The following COL8A1 variants were observed in gnomAD, a reference collection of about 807,000 sequenced individuals.
The protein encoded by COL8A1 is collagen alpha-1(VIII) chain.
Under a neutral mutation model 42.7 loss-of-function variants are expected in COL8A1, and 21 were observed. That is an observed-to-expected ratio of 0.49 (90% CI 0.35 to 0.71). The LOEUF is 0.71. Ranked by LOEUF, COL8A1 falls within the 30% of genes least tolerant of loss-of-function variation. The pLI is 0.01. For synonymous variants in COL8A1, 367 were observed against 369.1 expected (o/e 0.99, Z 0.06); for missense variants, 788 against 962.4 (o/e 0.82, Z 2.40).
intron 1 of COL8A1, among the ~76,000 whole-genome samples, chr3:99,722,790 G>A (rs1157218178): frequency 2.0e-5 from 3 of 151,990 alleles, no homozygotes; most frequent in Non-Finnish European, 4.4e-5. Flanking sequence ...TGAGACTATC[G>A]TCCACCCATT....
chr3:99,676,458 T>C (rs1347991343), intron 1 of COL8A1, among the ~76,000 whole-genome samples: 1 of 152,094 alleles, frequency 6.6e-6, no homozygotes, highest in Non-Finnish European at 1.5e-5. Flanking sequence ...AATCAATCAA[T>C]GTAATTTACC....
intron 2 of COL8A1, among the ~76,000 whole-genome samples, chr3:99,755,193 C>T (rs1941230681): frequency 6.6e-6 from 1 of 152,116 alleles, no homozygotes; most frequent in South Asian, 2.1e-4. Flanking sequence ...CTTTAAACAA[C>T]TTGAAAAAAT....
chr3:99,695,276 A>G (rs1305767877), intron 1 of COL8A1, among the ~76,000 whole-genome samples: 1 of 152,206 alleles, frequency 6.6e-6, no homozygotes, highest in Non-Finnish European at 1.5e-5. Flanking sequence ...GTCCCCACAA[A>G]ACATGTTAAT....
intron 1 of COL8A1, among the ~76,000 whole-genome samples, chr3:99,681,693 G>A (rs975404574): frequency 6.6e-6 from 1 of 152,118 alleles, no homozygotes; most frequent in Non-Finnish European, 1.5e-5. Context: ...TTATTTTCTG[G>A]TTGGGTACCC....
intron 1 of COL8A1, among the ~76,000 whole-genome samples, chr3:99,735,867 G>T (rs1271313244): frequency 6.6e-6 from 1 of 151,938 alleles, no homozygotes; most frequent in Non-Finnish European, 1.5e-5. Flanking sequence ...ACTTCTTCCT[G>T]GTTTAGTCTT....
At chr3:99,742,076 C>G (rs1025695054) in intron 1 of COL8A1, among the ~76,000 whole-genome samples, 1 of 152,128 alleles carries the variant, frequency 6.6e-6, no homozygotes, top group Admixed American at 6.6e-5. Flanking sequence ...TATTTTTAAG[C>G]ATCTGTCTAC....
intron 1 of COL8A1, among the ~76,000 whole-genome samples, chr3:99,730,572 G>GTAT (rs1246787939): frequency 6.6e-6 from 1 of 152,046 alleles, no homozygotes; most frequent in Non-Finnish European, 1.5e-5. Flanking sequence ...CTGGAGGCTT[G>GTAT]TATTAAACTA....
intron 2 of COL8A1, among the ~76,000 whole-genome samples, chr3:99,757,582 C>A (rs1029440730): frequency 6.6e-6 from 1 of 152,178 alleles, no homozygotes; most frequent in African/African-American, 2.4e-5. Context: ...GTCTAAGATT[C>A]TAGCCTGACT....
intron 2 of COL8A1, among the ~76,000 whole-genome samples, chr3:99,766,209 G>T (rs957769654): frequency 4.6e-5 from 7 of 152,140 alleles, no homozygotes; most frequent in Non-Finnish European, 8.8e-5. Context: ...TCCCCATAGG[G>T]ATTATTATTC....
Position 99,790,882 on chromosome 3 carries a change from G to C in COL8A1, c.200G>C (p.Gly67Ala). Residue 67 changes from glycine (G) to alanine (A), a missense_variant, in exon 3 of 4, where the codon GGC becomes GCC. Physicochemically the swap from Gly to Ala is moderately conservative, Grantham distance 60. Transcript: ENST00000652472. ...CCTCACATGCCTTTGGCCAAAGATG[G>C]CCTTGCCATGGGCAAGGAGATGCCC... ...QVPHMPLAKD[G>A]LAMGKEMPHL... The C allele has an allele frequency of 6.2e-7, 1 of 1,614,236 alleles. No homozygotes were observed. Among genetic ancestry groups the C allele is most frequent in the Non-Finnish European group, 8.5e-7 (1 of 1,180,034 alleles).
intron 1 of COL8A1, among the ~76,000 whole-genome samples, chr3:99,639,751 C>G (rs1189045211): frequency 1.3e-5 from 2 of 152,338 alleles, no homozygotes; most frequent in Admixed American, 1.3e-4. Context: ...ATGAAACTCT[C>G]TCAAGTGGGA....
chr3:99,761,710 T>C (rs1421720497), intron 2 of COL8A1, among the ~76,000 whole-genome samples: 2 of 151,956 alleles, frequency 1.3e-5, no homozygotes, highest in Non-Finnish European at 2.9e-5. Context: ...TCCAATACTC[T>C]CTGACTTTAG....
intron 1 of COL8A1, among the ~76,000 whole-genome samples, chr3:99,661,106 G>A (rs566523381): frequency 6.6e-6 from 1 of 152,256 alleles, no homozygotes; most frequent in East Asian, 1.9e-4. Context: ...GAATATGTAT[G>A]TCTTAGGATA....
At chr3:99,698,855 G>A (rs1044643960) in intron 1 of COL8A1, among the ~76,000 whole-genome samples, 2 of 152,342 alleles carry the variant, frequency 1.3e-5, no homozygotes, top group East Asian at 1.9e-4. Flanking sequence ...ACCTGCAGCT[G>A]TATATCAAGG....
intron 1 of COL8A1, among the ~76,000 whole-genome samples, chr3:99,695,066 C>T (rs1939329813): frequency 6.6e-6 from 1 of 152,022 alleles, no homozygotes; most frequent in South Asian, 2.1e-4. Context: ...CTACCAAGAT[C>T]CTATAGGAGT....
chr3:99,749,109 G>A (rs922400753), intron 2 of COL8A1, among the ~76,000 whole-genome samples: 1 of 152,026 alleles, frequency 6.6e-6, no homozygotes, highest in African/African-American at 2.4e-5. Context: ...GCTTATTTCT[G>A]TTATGGAACA....
chr3:99,643,419 G>A (rs1201580238), intron 1 of COL8A1, among the ~76,000 whole-genome samples: 1 of 152,174 alleles, frequency 6.6e-6, no homozygotes, highest in Admixed American at 6.5e-5. Flanking sequence ...CATAGTAGCT[G>A]CTCAGTAAAT....
At chr3:99,777,448 G>C (rs766453044) in intron 2 of COL8A1, among the ~76,000 whole-genome samples, 16 of 152,138 alleles carry the variant, frequency 1.1e-4, no homozygotes, top group Non-Finnish European at 1.9e-4. Context: ...GCACAAAGTT[G>C]AACTGGAATC....
chr3:99,719,208 A>G (rs1226904824), intron 1 of COL8A1, among the ~76,000 whole-genome samples: 1 of 152,122 alleles, frequency 6.6e-6, no homozygotes, highest in African/African-American at 2.4e-5. Flanking sequence ...TTTGATCATT[A>G]CTATTATTAT....
Sources: gnomAD v4.1 joint callset for allele counts (sites outside exome capture counted in the v4.1 genomes callset) on GRCh38, gnomAD v4.1.1 for gene constraint, MANE v1.5 for transcripts, NCBI Gene and HGNC (gene_info 2026-07-23, HGNC 2026-07-21) for gene names.